The following CDH4 variants were observed in gnomAD, a reference collection of about 807,000 sequenced individuals.
CDH4 encodes the protein cadherin 4, also known as cadherin-4.
Under a neutral mutation model 86.0 loss-of-function variants are expected in CDH4, and 33 were observed. That is an observed-to-expected ratio of 0.38 (90% CI 0.29 to 0.51). The LOEUF (loss-of-function observed/expected upper bound fraction) is 0.51. Ranked by LOEUF, CDH4 falls within the 20% of genes least tolerant of loss-of-function variation. The pLI is 0.86. For missense variants in CDH4, 1,114 were observed against 1,307.4 expected (o/e 0.85, Z 2.28); for synonymous variants, 555 against 549.4 (o/e 1.01, Z -0.14).
At chr20:61,833,255 C>G (rs754998170) in intron 4 of CDH4, among the ~76,000 whole-genome samples, 1 of 152,160 alleles carries the variant, frequency 6.6e-6, no homozygotes, top group Non-Finnish European at 1.5e-5. Context: ...AAAGTGCCAT[C>G]ATGCAGTAAA....
At chr20:61,286,139 A>C (rs187438462) in intron 2 of CDH4, among the ~76,000 whole-genome samples, 3 of 152,340 alleles carry the variant, frequency 2.0e-5, no homozygotes, top group African/African-American at 7.2e-5. Context: ...GTGAGCATTC[A>C]TATCTCCTTC....
At chr20:61,716,284 T>C (rs113645896) in intron 2 of CDH4, among the ~76,000 whole-genome samples, 11,499 of 152,100 alleles carry the variant, frequency 0.076, 682 homozygotes, top group South Asian at 0.26. Flanking sequence ...TCCCCTTGGC[T>C]GGACCTGTAA....
Position 61,852,775 on chromosome 20 carries a change from A to G in CDH4, c.754A>G (p.Met252Val), listed in dbSNP as rs1324831653. ...SYHLRAHAVDMNGNKVENPID... is the reference protein window; with the variant it reads ...SYHLRAHAVDVNGNKVENPID... ...CCAGCTCCGAGCCCACGCTGTGGACATGAATGGCAACAAGGTGGAGAACCC... is the reference window on the plus strand; with the variant it reads ...CCAGCTCCGAGCCCACGCTGTGGACGTGAATGGCAACAAGGTGGAGAACCC... Residue 252 changes from methionine (M) to valine (V), a missense_variant, in exon 6 of 16, where the codon ATG becomes GTG. By Grantham distance (21) the Met-to-Val change is conservative. Transcript: ENST00000614565. 3.1e-6 allele frequency: 5 copies of G among 1,613,390 alleles called. No homozygotes were observed. The highest frequency in any genetic ancestry group is 2.2e-5 in the East Asian group (1 of 44,854).
In CDH4 at chr20:61,337,697, G is replaced by C. The variant is rs988259975; in HGVS notation, c.169+82760G>C. On this transcript the variant is annotated intron_variant, in intron 2 of 15. Coordinates refer to ENST00000614565, the MANE Select transcript of CDH4 (RefSeq NM_001794.5). Reference sequence around the variant, plus strand: ...CACACCATGCTGAATTGTCATCCCTGCTTGGGAAGCTTGACATTCCATTCC... The same window carrying C: ...CACACCATGCTGAATTGTCATCCCTCCTTGGGAAGCTTGACATTCCATTCC... Among the ~76,000 whole-genome samples the C allele has an allele frequency of 4.6e-5, 7 of 152,108 alleles. No individual in the cohort carries two copies. In the South Asian group the frequency reaches 1.5e-3, roughly 32 times the overall value.
intron 2 of CDH4, among the ~76,000 whole-genome samples, chr20:61,270,572 C>T (rs2084178120): frequency 6.6e-6 from 1 of 152,190 alleles, no homozygotes; most frequent in South Asian, 2.1e-4. Flanking sequence ...CCCGCACAGA[C>T]GTGTAAGATA....
In CDH4 at chr20:61,590,258, C is replaced by T. The variant is rs558430086; in HGVS notation, c.170-153305C>T. Among the ~76,000 whole-genome samples, 20 of 152,082 alleles carry T rather than the reference C, an allele frequency of 1.3e-4. 1 individual carries two copies. Among genetic ancestry groups the T allele is most frequent in the Non-Finnish European group, 2.6e-4 (18 of 67,982 alleles). ...GATGGGGCCAGTGGCCTAGAGTTGGCGACAAAGGAGGAGACACCTAGAATA... is the reference window on the plus strand; with the variant it reads ...GATGGGGCCAGTGGCCTAGAGTTGGTGACAAAGGAGGAGACACCTAGAATA... On this transcript the variant is annotated intron_variant, in intron 2 of 15. Transcript: ENST00000614565.
chr20:61,265,016 A>T (rs1418612573), intron 2 of CDH4, among the ~76,000 whole-genome samples: 3 of 149,158 alleles, frequency 2.0e-5, no homozygotes, highest in Non-Finnish European at 3.0e-5. Flanking sequence ...AGTCCTACAC[A>T]TACCCCAGTG....
At chr20:61,910,723 A>C in intron 9 of CDH4, 116 bp downstream of exon 9, 1 of 987,724 alleles carries the variant, frequency 1.0e-6, no homozygotes, top group Non-Finnish European at 1.5e-6. Context: ...CCTAATATCC[A>C]AGGGTAGAGG....
At chr20:61,391,169 C>T (rs2084983295) in intron 2 of CDH4, among the ~76,000 whole-genome samples, 1 of 152,026 alleles carries the variant, frequency 6.6e-6, no homozygotes, top group Non-Finnish European at 1.5e-5. Context: ...TAGAAAACAC[C>T]CCCAAGATGT....
chr20:61,498,153 A>G (rs533792354), intron 2 of CDH4, among the ~76,000 whole-genome samples: 69 of 151,948 alleles, frequency 4.5e-4, no homozygotes, highest in African/African-American at 1.7e-3. Context: ...ACATGTATAC[A>G]TATGTAACTA....
intron 2 of CDH4, among the ~76,000 whole-genome samples, chr20:61,352,727 G>A (rs892394067): frequency 3.9e-5 from 6 of 152,076 alleles, no homozygotes; most frequent in African/African-American, 7.2e-5. Flanking sequence ...GTTTGCAGGC[G>A]TTGTTTTCCT....
At chr20:61,907,447 C>T (rs1189736934) in intron 8 of CDH4, among the ~76,000 whole-genome samples, 1 of 152,144 alleles carries the variant, frequency 6.6e-6, no homozygotes, top group East Asian at 1.9e-4. Context: ...GCTCCCTGTA[C>T]CTCACTCTCA....
At chr20:61,778,015 ACACATGTG>A (rs1156747919) in intron 4 of CDH4, among the ~76,000 whole-genome samples, 2 of 152,210 alleles carry the variant, frequency 1.3e-5, no homozygotes, top group African/African-American at 2.4e-5. Flanking sequence ...ACACACATGC[ACACATGTG>A]CACATACCAC....
chr20:61,791,525 G>A (rs376886924), intron 4 of CDH4, among the ~76,000 whole-genome samples: 3 of 152,358 alleles, frequency 2.0e-5, no homozygotes, highest in South Asian at 2.1e-4. Flanking sequence ...GTTGAGGTCC[G>A]CAGTGGGCCA....
At chr20:61,765,110 C>T (rs2088683061) in intron 3 of CDH4, among the ~76,000 whole-genome samples, 1 of 152,156 alleles carries the variant, frequency 6.6e-6, no homozygotes, top group Non-Finnish European at 1.5e-5. Flanking sequence ...CCTTCATCTG[C>T]CCCCTGAGGA....
intron 4 of CDH4, among the ~76,000 whole-genome samples, chr20:61,832,623 C>A (rs1281706204): frequency 6.6e-6 from 1 of 152,124 alleles, no homozygotes; most frequent in Non-Finnish European, 1.5e-5. Context: ...GGGGACACGC[C>A]AGACACTTAT....
intron 9 of CDH4, among the ~76,000 whole-genome samples, chr20:61,912,642 T>G (rs184559633): frequency 3.3e-5 from 5 of 152,364 alleles, no homozygotes; most frequent in Admixed American, 2.6e-4. Flanking sequence ...TAACTCTGTA[T>G]AAGCTTTCTT....
At chr20:61,343,791 G>A (rs1003613946) in intron 2 of CDH4, among the ~76,000 whole-genome samples, 2 of 152,124 alleles carry the variant, frequency 1.3e-5, no homozygotes, top group Non-Finnish European at 2.9e-5. Context: ...AGATTAGCAT[G>A]ATTTTAGGCT....
intron 5 of CDH4, among the ~76,000 whole-genome samples, chr20:61,846,105 C>T (rs1005129503): frequency 2.0e-5 from 3 of 152,230 alleles, no homozygotes; most frequent in Non-Finnish European, 4.4e-5. Flanking sequence ...CCTGAGGCAC[C>T]GTCTGAAGCA....
Sources: allele counts gnomAD v4.1 joint callset (sites outside exome capture counted in the v4.1 genomes callset), GRCh38; gene constraint gnomAD v4.1.1; transcripts MANE v1.5; gene names NCBI Gene and HGNC (gene_info 2026-07-23, HGNC 2026-07-21).